The following STT3A variants were observed in gnomAD, a reference collection of about 807,000 sequenced individuals.
STT3A encodes the protein STT3 oligosaccharyltransferase complex catalytic subunit A, also known as dolichyl-diphosphooligosaccharide--protein glycosyltransferase subunit STT3A.
Under a neutral mutation model 89.2 loss-of-function variants are expected in STT3A, and 34 were observed. That is an observed-to-expected ratio of 0.38 (90% CI 0.29 to 0.51). The LOEUF is 0.51. Among genes scored for constraint, STT3A ranks in the 20% least tolerant of loss-of-function variants. The probability of loss-of-function intolerance (pLI) is 0.89; values close to 1 mark genes in which losing one functional copy is unlikely to be tolerated. For missense variants in STT3A, 555 were observed against 889.5 expected, an observed-to-expected ratio of 0.62 and a Z score of 4.78; for synonymous variants, 282 against 310.3, an observed-to-expected ratio of 0.91 and a Z score of 0.96.
intron 3 of STT3A, among the ~76,000 whole-genome samples, chr11:125,597,324 C>G (rs576493536): frequency 2.0e-5 from 3 of 151,846 alleles, no homozygotes; most frequent in African/African-American, 7.3e-5. Flanking sequence ...GTGGCTCACA[C>G]CTGTAATCCC....
chr11:125,605,999 T>C (rs1242292670), intron 7 of STT3A, among the ~76,000 whole-genome samples: 2 of 152,194 alleles, frequency 1.3e-5, no homozygotes, highest in African/African-American at 4.8e-5. Flanking sequence ...TCTCGTTATG[T>C]GATCATGACA....
intron 2 of STT3A, among the ~76,000 whole-genome samples, chr11:125,596,377 A>G (rs185797304): frequency 2.0e-5 from 3 of 152,282 alleles, no homozygotes; most frequent in African/African-American, 7.2e-5. Context: ...AGGCACGAGA[A>G]TCGCTCGAAC....
chr11:125,618,224 G>A (rs1011730098), intron 15 of STT3A, 149 bp from the exon 16 acceptor site: 36 of 703,564 alleles, frequency 5.1e-5, no homozygotes, highest in South Asian at 3.3e-4. Flanking sequence ...TGCTTTGCCC[G>A]TATGTTGTCC....
intron 6 of STT3A, among the ~76,000 whole-genome samples, chr11:125,605,137 GAAA>G (rs57173218): frequency 1.4e-5 from 2 of 146,158 alleles, no homozygotes; most frequent in Admixed American, 6.9e-5. Context: ...ATTTTTTTAA[GAAA>G]AAAAAAAAGC....
At chr11:125,609,327 C>A in intron 9 of STT3A, 107 bp from the exon 10 acceptor site, 1 of 1,406,402 alleles carries the variant, frequency 7.1e-7, no homozygotes. Flanking sequence ...AAACCTAATC[C>A]TTCTCTGTCA....
At position 125,618,552 on chromosome 11, in the gene STT3A, A is replaced by G; in HGVS notation, c.1954A>G (p.Thr652Ala). ...MCYYRFGQVY[T>A]EAKRPPGFDR... ...TTACTATCGCTTTGGACAGGTTTACACAGAAGCCAGTGAGTGACTCATAAT... is the reference window on the plus strand; with the variant it reads ...TTACTATCGCTTTGGACAGGTTTACGCAGAAGCCAGTGAGTGACTCATAAT... Residue 652 changes from threonine (T) to alanine (A), a missense_variant, in exon 16 of 18, where the codon ACA (threonine) becomes GCA (alanine). By Grantham distance (58) the Thr-to-Ala change is moderately conservative. This residue lies in a region of STT3A where 273 missense variants were observed against 449.8 expected (regional missense o/e 0.61). Coordinates refer to ENST00000392708, the MANE Select transcript of STT3A (RefSeq NM_152713.5). 2 of 1,611,266 alleles carry G rather than the reference A, an allele frequency of 1.2e-6. No individual in the cohort carries two copies. The highest frequency in any genetic ancestry group is 1.7e-6 in the Non-Finnish European group (2 of 1,179,244).
At chr11:125,607,963 C>T in intron 8 of STT3A, 146 bp from the exon 9 acceptor site, 1 of 705,430 alleles carries the variant, frequency 1.4e-6, no homozygotes, top group Non-Finnish European at 2.2e-6. Context: ...GTGAATTAAA[C>T]CCTTCCCTAG....
chr11:125,619,672 T>C (rs1343289093), intron 16 of STT3A, among the ~76,000 whole-genome samples: 4 of 152,190 alleles, frequency 2.6e-5, no homozygotes, highest in East Asian at 3.8e-4. Flanking sequence ...CTTTGACTTC[T>C]GGTAGGCTTT....
Position 125,614,348 on chromosome 11 carries a change from G to T in STT3A, c.1696G>T (p.Ala566Ser). Reference protein sequence around the residue: ...GQAMASTEEKAYEIMRELDVS... With the variant: ...GQAMASTEEKSYEIMRELDVS... ...GGCAATGGCGTCCACAGAGGAAAAAGCCTATGAGATCATGAGGGAGCTCGA... is the reference window on the plus strand; with the variant it reads ...GGCAATGGCGTCCACAGAGGAAAAATCCTATGAGATCATGAGGGAGCTCGA... Residue 566 changes from alanine to serine, a missense_variant, in exon 15 of 18, where the codon GCC (alanine) becomes TCC (serine). Ala to Ser is a moderately conservative substitution (Grantham distance 99). This residue lies in a region of STT3A where 273 missense variants were observed against 449.8 expected (regional missense o/e 0.61). Transcript: ENST00000392708. The surrounding 1 kb of genome is among the most constrained non-coding windows in gnomAD (Gnocchi z 4.9). The T allele has an allele frequency of 6.2e-7, 1 of 1,614,166 alleles. No individual in the cohort carries two copies. The highest frequency in any genetic ancestry group is 8.5e-7 in the Non-Finnish European group (1 of 1,180,026).
At chr11:125,601,634 AT>A (rs1412976076) in intron 3 of STT3A, among the ~76,000 whole-genome samples, 2 of 152,018 alleles carry the variant, frequency 1.3e-5, no homozygotes, top group Admixed American at 6.6e-5. Flanking sequence ...AAAAAAAAAA[AT>A]AAATAAGAAA....
chr11:125,597,492 A>G (rs564780089), intron 3 of STT3A, among the ~76,000 whole-genome samples: 11 of 152,076 alleles, frequency 7.2e-5, no homozygotes, highest in Non-Finnish European at 1.5e-4. Context: ...TGTGAGAGGC[A>G]TTGCTAGTAT....
rs774459963 is a variant in STT3A, at chr11:125,614,444, G to T, written c.1774+18G>T. The T allele has an allele frequency of 5.6e-6, 9 of 1,602,966 alleles. No individual in the cohort carries two copies. In the South Asian group the frequency reaches 9.9e-5, roughly 18 times the overall value. On this transcript the variant is annotated intron_variant, in intron 15 of 17. Transcript: ENST00000392708. This position sits in a 1 kb window ranked among gnomAD's most constrained non-coding sequence, Gnocchi z 4.9. ...CTCTGATGGTAATATACTTGATTCT[G>T]TTTCTAGCTGCAGGACATAGATTCT...
Position 125,606,418 on chromosome 11 carries a change from T to A in STT3A, c.733T>A (p.Cys245Ser), listed in dbSNP as rs755051554. The change falls in exon 8 of 18, where the codon TGC becomes AGC. Residue 245 changes from cysteine to serine, a missense_variant. Physicochemically the swap from Cys to Ser is moderately radical, Grantham distance 112. Coordinates refer to ENST00000392708, the MANE Select transcript of STT3A (RefSeq NM_152713.5). ...RIYVAYCTVY[C>S]LGTILSMQIS... ...CTATGTGGCCTACTGTACTGTTTAC[T>A]GCCTGGGCACTATACTTTCTATGCA... 2 of 1,614,230 alleles carry A rather than the reference T, an allele frequency of 1.2e-6. No homozygotes were observed. Among genetic ancestry groups the A allele is most frequent in the Admixed American group, 3.3e-5 (2 of 60,030 alleles).
In STT3A at chr11:125,611,584, G is replaced by C. The variant is rs946230978; in HGVS notation, c.1209+65G>C. ...CTCTGAGGTGCTTTTTTATCTGTCTGGCAGAATTCAGAAAGTACTGATGAT... is the reference window on the plus strand; with the variant it reads ...CTCTGAGGTGCTTTTTTATCTGTCTCGCAGAATTCAGAAAGTACTGATGAT... On this transcript the variant is annotated intron_variant, in intron 11 of 17. Coordinates refer to ENST00000392708, the MANE Select transcript of STT3A (RefSeq NM_152713.5). The C allele has an allele frequency of 3.5e-6, 5 of 1,447,994 alleles. No individual in the cohort carries two copies. In the African/African-American group the frequency reaches 7.0e-5, roughly 20 times the overall value. 89.7% of individuals were successfully genotyped at this position (1,447,994 alleles called of 1,614,324 possible).
In STT3A at chr11:125,596,121, C is replaced by T. The variant is rs147995332; in HGVS notation, c.88+118C>T. On this transcript the variant is annotated intron_variant, in intron 2 of 17. Coordinates refer to ENST00000392708, the MANE Select transcript of STT3A (RefSeq NM_152713.5). ...TTTTTAGCAGATTGTTACATTTTTCCATTCCTCATTAGTATAATTTTATGA... is the reference window on the plus strand; with the variant it reads ...TTTTTAGCAGATTGTTACATTTTTCTATTCCTCATTAGTATAATTTTATGA... 2.1e-4 allele frequency: 164 copies of T among 794,270 alleles called. No individual in the cohort carries two copies. In the African/African-American group the frequency reaches 2.5e-3, roughly 12 times the overall value. The allele number at this position is 794,270 out of a possible 1,614,324, so 49.2% of individuals were successfully genotyped here.
chr11:125,620,232 A>AGC, intron 17 of STT3A, 106 bp downstream of exon 17: 1 of 846,512 alleles, frequency 1.2e-6, no homozygotes. Flanking sequence ...ATTTCTCATG[A>AGC]CACCTGTGCT....
At chr11:125,617,661 C>T (rs1940216964) in intron 15 of STT3A, among the ~76,000 whole-genome samples, 1 of 152,152 alleles carries the variant, frequency 6.6e-6, no homozygotes, top group Admixed American at 6.5e-5. Context: ...GAAATGTTGA[C>T]TTCTCATATA....
chr11:125,604,394 A>C, intron 6 of STT3A, 147 bp downstream of exon 6: 1 of 750,984 alleles, frequency 1.3e-6, no homozygotes, highest in South Asian at 1.8e-5. Flanking sequence ...GGACAAGCTC[A>C]TGTTCTCTTC....
chr11:125,616,582 TA>T (rs984913350), intron 15 of STT3A, among the ~76,000 whole-genome samples: 5 of 152,218 alleles, frequency 3.3e-5, no homozygotes, highest in African/African-American at 1.2e-4. Context: ...AGAGGCATAA[TA>T]AAAATAAAAA....
Sources: gnomAD v4.1 joint callset for allele counts (sites outside exome capture counted in the v4.1 genomes callset) on GRCh38, gnomAD v4.1.1 for gene constraint, gnomAD v4.1.1 regional missense constraint, Gnocchi (gnomAD v3.1) non-coding constraint, MANE v1.5 for transcripts, NCBI Gene and HGNC (gene_info 2026-07-23, HGNC 2026-07-21) for gene names.